NUP210L: variants seen among roughly 807,000 people sequenced by gnomAD.
The protein encoded by NUP210L is nucleoporin 210 like.
Under a neutral mutation model 208.5 loss-of-function variants are expected in NUP210L, and 74 were observed. That is an observed-to-expected ratio of 0.35 (90% CI 0.29 to 0.43). The LOEUF (loss-of-function observed/expected upper bound fraction) is 0.43. Ranked by LOEUF, NUP210L falls within the 20% of genes least tolerant of loss-of-function variation. The pLI is 1.00. For missense variants in NUP210L, 1,843 were observed against 2,289.4 expected (o/e 0.81, Z 3.98); for synonymous variants, 780 against 816.9 (o/e 0.95, Z 0.77).
intron 27 of NUP210L, among the ~76,000 whole-genome samples, chr1:154,044,321 C>T (rs1287002476): frequency 3.3e-5 from 5 of 151,538 alleles, no homozygotes; most frequent in Admixed American, 6.6e-5. Flanking sequence ...GCACAAGAAT[C>T]GCTTGAACCC....
intron 15 of NUP210L, among the ~76,000 whole-genome samples, chr1:154,091,653 A>C (rs1482491752): frequency 6.6e-6 from 1 of 150,570 alleles, no homozygotes; most frequent in Non-Finnish European, 1.5e-5. Context: ...GGTGCCCACC[A>C]CCACGTCCGG....
At chr1:154,134,974 G>A (rs1658462251) in intron 7 of NUP210L, among the ~76,000 whole-genome samples, 1 of 151,930 alleles carries the variant, frequency 6.6e-6, no homozygotes, top group Non-Finnish European at 1.5e-5. Flanking sequence ...CCGACCTCAG[G>A]TGATCAGCCG....
intron 10 of NUP210L, among the ~76,000 whole-genome samples, 169 bp downstream of exon 10, chr1:154,126,154 G>A (rs1159208065): frequency 6.6e-6 from 1 of 152,114 alleles, no homozygotes; most frequent in African/African-American, 2.4e-5. Context: ...CAATAACATA[G>A]ATTAGAACAG....
At chr1:154,056,524 C>T (rs1232184683) in intron 23 of NUP210L, among the ~76,000 whole-genome samples, 1 of 152,148 alleles carries the variant, frequency 6.6e-6, no homozygotes, top group Non-Finnish European at 1.5e-5. Context: ...AAGTGATCCT[C>T]CTACTTTAGC....
chr1:154,100,513 TTG>T (rs1307502511), intron 13 of NUP210L, among the ~76,000 whole-genome samples: 4 of 115,348 alleles, frequency 3.5e-5, no homozygotes, highest in African/African-American at 6.3e-5. Context: ...GTTTTTGGCT[TTG>T]TTTTTTTTTT....
intron 25 of NUP210L, among the ~76,000 whole-genome samples, chr1:154,050,988 G>T (rs1400394685): frequency 1.3e-5 from 2 of 152,096 alleles, no homozygotes; most frequent in African/African-American, 4.8e-5. Context: ...TTCTTCATAT[G>T]GGGTACATTC....
At chr1:154,135,444 C>T (rs1205268867) in intron 7 of NUP210L, among the ~76,000 whole-genome samples, 7 of 148,548 alleles carry the variant, frequency 4.7e-5, no homozygotes, top group African/African-American at 7.5e-5. Context: ...TTTTTTGAGA[C>T]GGAGTCTCGC....
chr1:154,007,548 C>A (rs1019450609), intron 35 of NUP210L, among the ~76,000 whole-genome samples: 1 of 152,010 alleles, frequency 6.6e-6, no homozygotes, highest in Non-Finnish European at 1.5e-5. Flanking sequence ...AGGCGTGAGT[C>A]ATCGCACCTG....
At chr1:154,084,164 C>T (rs1483942066) in intron 16 of NUP210L, among the ~76,000 whole-genome samples, 1 of 151,102 alleles carries the variant, frequency 6.6e-6, no homozygotes, top group East Asian at 1.9e-4. Context: ...CTCAGCCTCC[C>T]CAGTAGCTGG....
intron 32 of NUP210L, among the ~76,000 whole-genome samples, chr1:154,019,481 C>T (rs1418009303): frequency 3.3e-5 from 5 of 151,952 alleles, no homozygotes; most frequent in Admixed American, 6.6e-5. Flanking sequence ...TAAAGATGGC[C>T]GAGGAATGCC....
intron 36 of NUP210L, 51 bp downstream of exon 36, chr1:154,001,684 C>G (rs752604778): frequency 6.3e-7 from 1 of 1,579,276 alleles, no homozygotes; most frequent in Non-Finnish European, 8.7e-7. Flanking sequence ...TGAAAACTAT[C>G]TTTTCAAATT....
At chr1:154,054,732 G>A in intron 24 of NUP210L, 38 bp downstream of exon 24, 1 of 1,424,358 alleles carries the variant, frequency 7.0e-7, no homozygotes. Flanking sequence ...GAGGTAAGGA[G>A]AAAAGGTAAA....
intron 9 of NUP210L, 111 bp downstream of exon 9, chr1:154,127,200 T>A: frequency 2.2e-6 from 1 of 461,348 alleles, no homozygotes; most frequent in Non-Finnish European, 3.8e-6. Flanking sequence ...AAGGTAAAAA[T>A]CTAGAATCAA....
At chr1:153,993,488 C>G (rs1176594718) in intron 38 of NUP210L, among the ~76,000 whole-genome samples, 2 of 149,296 alleles carry the variant, frequency 1.3e-5, no homozygotes, top group Non-Finnish European at 3.0e-5. Context: ...ATGGTGTGAA[C>G]CTGGGAGGCG....
intron 7 of NUP210L, among the ~76,000 whole-genome samples, chr1:154,131,521 TTTAA>T (rs1364720836): frequency 1.3e-5 from 2 of 152,120 alleles, no homozygotes; most frequent in African/African-American, 4.8e-5. Context: ...TCTTTCTCTC[TTTAA>T]TTAAGAGAAA....
chr1:154,116,837 G>A (rs1657357404), intron 12 of NUP210L, among the ~76,000 whole-genome samples: 1 of 152,062 alleles, frequency 6.6e-6, no homozygotes, highest in South Asian at 2.1e-4. Flanking sequence ...TGACACTAGA[G>A]ATAAAGTTAC....
At chr1:154,139,078 G>T (rs1053715817) in intron 5 of NUP210L, among the ~76,000 whole-genome samples, 3 of 152,094 alleles carry the variant, frequency 2.0e-5, no homozygotes, top group African/African-American at 7.2e-5. Flanking sequence ...AACCAGCCTG[G>T]CCATCATGGT....
intron 27 of NUP210L, among the ~76,000 whole-genome samples, chr1:154,034,188 G>A (rs1205591906): frequency 6.6e-6 from 1 of 152,016 alleles, no homozygotes; most frequent in Non-Finnish European, 1.5e-5. Context: ...GGGTAATACT[G>A]GCCTCATAGA....
At chr1:154,078,888 G>A (rs1049329609) in intron 16 of NUP210L, 2 of 152,182 alleles carry the variant, frequency 1.3e-5, no homozygotes, top group Non-Finnish European at 2.9e-5. Context: ...ATGAAGCCCA[G>A]TGATGAAAAG....
Sources: allele counts gnomAD v4.1 joint callset (sites outside exome capture counted in the v4.1 genomes callset), GRCh38; gene constraint gnomAD v4.1.1; transcripts MANE v1.5; gene names NCBI Gene and HGNC (gene_info 2026-07-23, HGNC 2026-07-21).